The following HDAC9 variants were observed in gnomAD, a reference collection of about 807,000 sequenced individuals.
The protein encoded by HDAC9 is histone deacetylase 9, also known as MEF-2 interacting transcription repressor (MITR) protein.
A neutral mutation model predicts 139.4 loss-of-function variants in HDAC9; 41 were observed. The ratio of observed to expected loss-of-function variants is 0.29; its 90% confidence interval spans 0.23 to 0.38. The LOEUF (loss-of-function observed/expected upper bound fraction) is 0.38. Ranked by LOEUF, HDAC9 falls within the 10% of genes least tolerant of loss-of-function variation. The pLI is 1.00. For synonymous variants in HDAC9, 517 were observed against 476.2 expected, an observed-to-expected ratio of 1.09 and a Z score of -1.12; for missense variants, 1,147 against 1,297.0, an observed-to-expected ratio of 0.88 and a Z score of 1.78.
chr7:18,734,488 T>C (rs573730496), intron 13 of HDAC9, among the ~76,000 whole-genome samples: 2 of 152,348 alleles, frequency 1.3e-5, no homozygotes, highest in African/African-American at 4.8e-5. Flanking sequence ...TGGTTGGTTT[T>C]CTGTCCTTGT....
intron 1 of HDAC9, among the ~76,000 whole-genome samples, chr7:18,392,307 TCTCTCTCTCACACACA>T (rs1365406024): frequency 4.4e-5 from 6 of 137,612 alleles, no homozygotes; most frequent in East Asian, 4.0e-4. Context: ...TCTCTCTCTC[TCTCTCTCTCACACACA>T]CACACACACA....
Position 18,522,703 on chromosome 7 carries a change from G to A in HDAC9, c.22+26379G>A, listed in dbSNP as rs555301093. ...TCTATTTTTTATTTAAGCGCTGTAG[G>A]TGAGGTAATTGAAATGGAGCCCATG... On this transcript the variant is annotated intron_variant, in intron 2 of 25. Transcript: ENST00000686413. Among the ~76,000 whole-genome samples, 28 of 152,058 alleles carry A rather than the reference G, an allele frequency of 1.8e-4. 1 individual carries two copies. The East Asian group carries it at 2.1e-3, about 12-fold the overall frequency.
At chr7:18,608,281 G>C (rs1222436915) in intron 6 of HDAC9, among the ~76,000 whole-genome samples, 1 of 152,096 alleles carries the variant, frequency 6.6e-6, no homozygotes, top group African/African-American at 2.4e-5. Flanking sequence ...AGAAATTGGA[G>C]AGAGGAGTGG....
At chr7:18,131,904 C>G (rs1245267858) in intron 1 of HDAC9, among the ~76,000 whole-genome samples, 2 of 152,144 alleles carry the variant, frequency 1.3e-5, no homozygotes, top group African/African-American at 4.8e-5. Flanking sequence ...ATTTAAGACA[C>G]CTTCTTCCCC....
rs146204552 is a variant in HDAC9 at position 18,333,288 on chromosome 7, A to G, written c.-42+42773A>G. ...GAGGAAATGGGGAGATTTAGGCCAA[A>G]GAATACAAAATAGCACATGTGTTGG... On this transcript the variant is annotated intron_variant, in intron 1 of 3. Transcript: ENST00000413509. Among the ~76,000 whole-genome samples the G allele has an allele frequency of 2.8e-3, 427 of 151,598 alleles. 2 individuals are homozygous for G. Among genetic ancestry groups the G allele is most frequent in the African/African-American group, 9.5e-3 (393 of 41,474 alleles).
At chr7:18,627,162 C>G (rs1008199248) in intron 6 of HDAC9, among the ~76,000 whole-genome samples, 2 of 152,172 alleles carry the variant, frequency 1.3e-5, no homozygotes, top group South Asian at 4.1e-4. Context: ...AATTTCATAA[C>G]AGGAAAGTTG....
intron 1 of HDAC9, among the ~76,000 whole-genome samples, chr7:18,397,746 C>G (rs1213426427): frequency 6.6e-6 from 1 of 152,072 alleles, no homozygotes; most frequent in Non-Finnish European, 1.5e-5. Flanking sequence ...TGCCTGATAA[C>G]AAAAAGCCAG....
At chr7:18,319,259 C>G (rs574202056) in intron 1 of HDAC9, among the ~76,000 whole-genome samples, 128 of 152,254 alleles carry the variant, frequency 8.4e-4, no homozygotes, top group African/African-American at 2.8e-3. Flanking sequence ...GTAAAACTTT[C>G]AAAATCGCCT....
intron 1 of HDAC9, among the ~76,000 whole-genome samples, chr7:18,484,007 G>A (rs1286475363): frequency 6.6e-6 from 1 of 151,942 alleles, no homozygotes; most frequent in Non-Finnish European, 1.5e-5. Flanking sequence ...ATTTGAAAGT[G>A]TAAAAAAGGG....
chr7:18,623,946 G>T (rs772721556), intron 6 of HDAC9, among the ~76,000 whole-genome samples: 9 of 152,010 alleles, frequency 5.9e-5, no homozygotes, highest in Non-Finnish European at 1.0e-4. Flanking sequence ...TGCAGGGGGG[G>T]TAAAAAAAGC....
chr7:18,399,658 C>T (rs973565731), intron 1 of HDAC9, among the ~76,000 whole-genome samples: 2 of 152,128 alleles, frequency 1.3e-5, no homozygotes, highest in African/African-American at 4.8e-5. Context: ...CAGAGGAGTA[C>T]TAGGAAGACA....
rs1265136054 is a variant in HDAC9 at position 18,994,381 on chromosome 7, C to A, written c.3171-1642C>A. ...TTAAATGTCTTCCTTAATTTAAAAT[C>A]TTTCTTCTTTGAATGCTGATTATTT... On this transcript the variant is annotated intron_variant, in intron 25 of 25. Coordinates refer to ENST00000686413, the MANE Select transcript of HDAC9 (RefSeq NM_178425.4). 3.3e-5 allele frequency among the ~76,000 whole-genome samples: 5 copies of A among 152,206 alleles called. No individual in the cohort carries two copies. The East Asian group carries it at 9.6e-4, about 29-fold the overall frequency.
chr7:18,086,954 G>A (rs1177464060), exon 1 of HDAC9: 3 of 145,202 alleles, frequency 2.1e-5, no homozygotes, highest in African/African-American at 7.5e-5. Context: ...ATCGCGCAGC[G>A]CGCACCGAGC....
intron 17 of HDAC9, among the ~76,000 whole-genome samples, chr7:18,813,483 C>T (rs1349972898): frequency 2.6e-5 from 4 of 152,114 alleles, no homozygotes; most frequent in Non-Finnish European, 5.9e-5. Context: ...TTTTATGGGT[C>T]ATACTCATAA....
At chr7:18,334,519 G>A (rs371634914) in intron 1 of HDAC9, among the ~76,000 whole-genome samples, 1 of 151,412 alleles carries the variant, frequency 6.6e-6, no homozygotes, top group African/African-American at 2.4e-5. Context: ...AGGCATTCTT[G>A]TTACAATCAG....
At chr7:18,099,066 A>G (rs1352880297) in intron 1 of HDAC9, among the ~76,000 whole-genome samples, 5 of 152,138 alleles carry the variant, frequency 3.3e-5, no homozygotes, top group Admixed American at 3.3e-4. Flanking sequence ...ATATTTTAAA[A>G]TCTCCTATTT....
At chr7:18,156,327 G>T (rs1787198224) in intron 1 of HDAC9, among the ~76,000 whole-genome samples, 1 of 152,300 alleles carries the variant, frequency 6.6e-6, no homozygotes, top group South Asian at 2.1e-4. Context: ...CATGGGCAAG[G>T]TCTGGGGATG....
chr7:18,653,311 A>G (rs1013703383), intron 11 of HDAC9, among the ~76,000 whole-genome samples: 2 of 151,346 alleles, frequency 1.3e-5, no homozygotes, highest in East Asian at 1.9e-4. Context: ...AAGAAAACTG[A>G]TATCTTTAAG....
chr7:18,286,715 C>T (rs78755944), upstream of HDAC9, among the ~76,000 whole-genome samples: 12 of 152,116 alleles, frequency 7.9e-5, no homozygotes, highest in East Asian at 2.3e-3. Flanking sequence ...TGAATTCCAT[C>T]ATGACTCATC....
Sources: gnomAD v4.1 joint callset for allele counts (sites outside exome capture counted in the v4.1 genomes callset) on GRCh38, gnomAD v4.1.1 for gene constraint, MANE v1.5 for transcripts, NCBI Gene and HGNC (gene_info 2026-07-23, HGNC 2026-07-21) for gene names.